Variants in INTU observed in about 807,000 individuals in gnomAD.
INTU encodes the protein inturned planar cell polarity protein.
In INTU, 68 loss-of-function variants were observed where a neutral mutation model predicts 100.5. That is an observed-to-expected ratio of 0.68 (90% CI 0.56 to 0.83). INTU has a LOEUF of 0.83. INTU is among the 40% of genes least tolerant of loss of function. The pLI is 0.00. For missense variants in INTU, 1,071 were observed against 1,114.7 expected (o/e 0.96, Z 0.56); for synonymous variants, 357 against 395.7 (o/e 0.90, Z 1.16).
chr4:127,656,596 A>G (rs1728237352), intron 2 of INTU, 40 bp from the exon 3 acceptor site: 1 of 1,400,460 alleles, frequency 7.1e-7, no homozygotes, highest in African/African-American at 1.4e-5. Flanking sequence ...TGGTTTTTAG[A>G]TATTCATAAA....
intron 8 of INTU, among the ~76,000 whole-genome samples, chr4:127,698,449 G>A (rs1730494488): frequency 6.7e-6 from 1 of 150,242 alleles, no homozygotes; most frequent in Non-Finnish European, 1.5e-5. Context: ...AGCAACAGAG[G>A]GACACTCTGT....
At position 127,668,513 on chromosome 4, in the gene INTU, C is replaced by T. The variant is rs536383950; in HGVS notation, c.973-523C>T. Among the ~76,000 whole-genome samples the T allele has an allele frequency of 9.8e-4, 149 of 151,736 alleles. 1 individual carries two copies. Among genetic ancestry groups the T allele is most frequent in the African/African-American group, 3.5e-3 (147 of 41,480 alleles). On this transcript the variant is annotated intron_variant, in intron 4 of 15. Transcript: ENST00000335251. ...ATATTATAATTTAGTTCTGTATTCT[C>T]ACTTTGTAAGTTTAATTGCTGTCTT... is the stretch of plus-strand genomic sequence containing the variant.
At chr4:127,653,079 A>G (rs1412896662) in intron 2 of INTU, among the ~76,000 whole-genome samples, 4 of 151,578 alleles carry the variant, frequency 2.6e-5, no homozygotes, top group Non-Finnish European at 4.4e-5. Flanking sequence ...CTCCTTTATC[A>G]TTTTTTATTG....
At chr4:127,665,720 T>C (rs1728668016) in intron 4 of INTU, among the ~76,000 whole-genome samples, 1 of 152,156 alleles carries the variant, frequency 6.6e-6, no homozygotes, top group African/African-American at 2.4e-5. Flanking sequence ...TTAGATCCTT[T>C]GCATCTAGCT....
intron 3 of INTU, among the ~76,000 whole-genome samples, chr4:127,657,784 G>A (rs1453227625): frequency 1.3e-5 from 2 of 151,726 alleles, no homozygotes; most frequent in East Asian, 1.9e-4. Context: ...AACAGATTCA[G>A]GGTTCCCACT....
At position 127,706,884 on chromosome 4, in the gene INTU, G is replaced by A; in HGVS notation, c.2186G>A (p.Ser729Asn). The A allele has an allele frequency of 6.2e-7, 1 of 1,614,060 alleles. No individual in the cohort carries two copies. The highest frequency in any genetic ancestry group is 1.7e-4 in the Middle Eastern group (1 of 6,058). Residue 729 changes from serine to asparagine, a missense_variant, in exon 12 of 16, where the codon AGC becomes AAC. Physicochemically the swap from Ser to Asn is conservative, Grantham distance 46 (BLOSUM62 1). Transcript: ENST00000335251. ...GAAGGTGGAGAAGATGATGGCTTTAGCCCCCATACTACACCGGATGCAGTA... is the reference window on the plus strand; with the variant it reads ...GAAGGTGGAGAAGATGATGGCTTTAACCCCCATACTACACCGGATGCAGTA... ...GCEGGEDDGFSPHTTPDAVRK... is the reference protein window; with the variant it reads ...GCEGGEDDGFNPHTTPDAVRK...
At position 127,700,039 on chromosome 4, in the gene INTU, G is replaced by T. The variant is rs1161484771; in HGVS notation, c.1479G>T (p.Leu493Phe). Residue 493 changes from leucine (L) to phenylalanine (F), a missense_variant, in exon 9 of 16, where the codon TTG (leucine) becomes TTT (phenylalanine). By Grantham distance (22) the Leu-to-Phe change is conservative (BLOSUM62 0). Coordinates refer to ENST00000335251, the MANE Select transcript of INTU (RefSeq NM_015693.4). ...AATTAGACATGGCATTAAGTGACTT[G>T]GAGGCTGCAGATTTTGCAGAACTGG... ...KMELDMALSDLEAADFAELSE... is the reference protein window; with the variant it reads ...KMELDMALSDFEAADFAELSE... The T allele has an allele frequency of 3.1e-6, 5 of 1,604,336 alleles. No individual in the cohort carries two copies. The South Asian group carries it at 4.5e-5, about 14-fold the overall frequency.
chr4:127,655,932 G>GT lies in INTU; in HGVS notation c.683-698dup, dbSNP rs548350586. The stretch of plus-strand genomic sequence containing the variant: ...GCGGGATATAATCTCGTGGTGCGCC[G>GT]TTTTTTAAACCGGTCCGAAAAGCGC... On this transcript the variant is annotated intron_variant, in intron 2 of 15. Transcript: ENST00000335251. Among the ~76,000 whole-genome samples, 957 of 146,344 alleles carry GT rather than the reference G, an allele frequency of 6.5e-3. 10 individuals carry two copies. Among genetic ancestry groups the GT allele is most frequent in the African/African-American group, 0.023 (917 of 39,856 alleles).
chr4:127,684,227 A>T (rs1454819299), intron 6 of INTU, among the ~76,000 whole-genome samples, 182 bp from the exon 7 acceptor site: 2 of 152,248 alleles, frequency 1.3e-5, no homozygotes, highest in East Asian at 1.9e-4. Flanking sequence ...TCATGCTGGA[A>T]CTAAATCTAG....
rs1731315682 is a variant in INTU at position 127,719,601 on chromosome 4, C to G, written c.*3165C>G. 6.6e-6 allele frequency: 1 copy of G among 152,112 alleles called. No homozygotes were observed. Among genetic ancestry groups the G allele is most frequent in the Non-Finnish European group, 1.5e-5 (1 of 68,022 alleles). 9.4% of individuals were successfully genotyped at this position (152,112 alleles called of 1,614,324 possible). A position where few individuals can be genotyped will look rare whatever the true frequency, so the allele number is the denominator to read the frequency against. On this transcript the variant is annotated 3_prime_UTR_variant, in exon 16 of 16. Transcript: ENST00000335251. Reference sequence around the variant, plus strand: ...TTTCTGGCAGAATTCAGCTGTAGATCCATCTGGTCCTGGGCTTTTTTTGGT... The same window carrying G: ...TTTCTGGCAGAATTCAGCTGTAGATGCATCTGGTCCTGGGCTTTTTTTGGT...
At chr4:127,654,363 G>GT in intron 2 of INTU, among the ~76,000 whole-genome samples, 1 of 152,190 alleles carries the variant, frequency 6.6e-6, no homozygotes, top group Admixed American at 6.5e-5. Context: ...GCCGGTACCG[G>GT]TTGTTCCTTT....
At chr4:127,637,706 C>T (rs1727132861) in intron 1 of INTU, among the ~76,000 whole-genome samples, 1 of 152,160 alleles carries the variant, frequency 6.6e-6, no homozygotes, top group Non-Finnish European at 1.5e-5. Context: ...TTTAAAAGTA[C>T]AGTAAAGTCC....
At chr4:127,643,317 T>G (rs1727414669) in intron 1 of INTU, among the ~76,000 whole-genome samples, 1 of 152,012 alleles carries the variant, frequency 6.6e-6, no homozygotes, top group Non-Finnish European at 1.5e-5. Flanking sequence ...TATTCAAAGC[T>G]CTACAAAAAA....
At chr4:127,671,748 T>C (rs747091318) in intron 5 of INTU, among the ~76,000 whole-genome samples, 43 of 151,948 alleles carry the variant, frequency 2.8e-4, no homozygotes, top group Non-Finnish European at 1.3e-4. Context: ...AAAGAAAATG[T>C]GGTGTATGTA....
In INTU at chr4:127,643,891, A is replaced by G. The variant is rs1727448341; in HGVS notation, c.517A>G (p.Ile173Val). 3.7e-6 allele frequency: 6 copies of G among 1,614,092 alleles called. No individual in the cohort carries two copies. Among genetic ancestry groups the G allele is most frequent in the African/African-American group, 1.3e-5 (1 of 74,948 alleles). ...VYVNPKKLTV[I>V]KAKEQLKLLE... ...TGTAAACCCCAAAAAGCTAACTGTTATCAAAGCCAAAGAGCAGCTCAAGCT... is the reference window on the plus strand; with the variant it reads ...TGTAAACCCCAAAAAGCTAACTGTTGTCAAAGCCAAAGAGCAGCTCAAGCT... Residue 173 changes from isoleucine to valine, a missense_variant, in exon 2 of 16, where the codon ATC becomes GTC. By Grantham distance (29) the Ile-to-Val change is conservative. Coordinates refer to ENST00000335251, the MANE Select transcript of INTU (RefSeq NM_015693.4).
intron 12 of INTU, among the ~76,000 whole-genome samples, chr4:127,707,392 C>CAAAAAAAAA (rs71587331): frequency 2.2e-5 from 1 of 44,588 alleles, no homozygotes; most frequent in South Asian, 1.3e-3. Flanking sequence ...GACTCTGTCT[C>CAAAAAAAAA]AAAAAAAAAA....
At chr4:127,694,266 A>G (rs1730284970) in intron 8 of INTU, among the ~76,000 whole-genome samples, 1 of 151,214 alleles carries the variant, frequency 6.6e-6, no homozygotes, top group Non-Finnish European at 1.5e-5. Context: ...TTGTCTGTTC[A>G]GAGATCCTAT....
At chr4:127,674,372 T>A (rs1729077325) in intron 6 of INTU, among the ~76,000 whole-genome samples, 159 bp downstream of exon 6, 1 of 152,242 alleles carries the variant, frequency 6.6e-6, no homozygotes, top group Admixed American at 6.5e-5. Flanking sequence ...GTTCGTTTGG[T>A]ATGAATAATG....
chr4:127,687,822 C>T lies in INTU; in HGVS notation c.1404C>T (p.Asp468=). 2 of 1,605,932 alleles carry T rather than the reference C, an allele frequency of 1.2e-6. No individual in the cohort carries two copies. The highest frequency in any genetic ancestry group is 1.7e-6 in the Non-Finnish European group (2 of 1,174,820). ...ATGCTTCCAGTGCAGTACTTTTAGACAACCTCCCTGGAGTCCGGTGGCTCA... is the reference window on the plus strand; with the variant it reads ...ATGCTTCCAGTGCAGTACTTTTAGATAACCTCCCTGGAGTCCGGTGGCTCA... ...QYDASSAVLL[D]NLPGVRWLTL... The change falls in exon 8 of 16, where the codon GAC becomes GAT. Residue 468 remains aspartate, a synonymous_variant. Transcript: ENST00000335251.
Sources: gnomAD v4.1 joint callset for allele counts (sites outside exome capture counted in the v4.1 genomes callset) on GRCh38, gnomAD v4.1.1 for gene constraint, MANE v1.5 for transcripts, NCBI Gene and HGNC (gene_info 2026-07-23, HGNC 2026-07-21) for gene names.